KANSL1: variants seen among roughly 807,000 people sequenced by gnomAD.
The protein encoded by KANSL1 is KAT8 regulatory NSL complex subunit 1, also known as MLL1/MLL complex subunit KANSL1.
A neutral mutation model predicts 103.6 loss-of-function variants in KANSL1; 22 were observed. The observed-to-expected ratio is 0.21, with a 90% CI of 0.15 to 0.30. The LOEUF is 0.30. KANSL1 is among the 10% of genes least tolerant of loss of function. The pLI is 1.00. For missense variants in KANSL1, 1,337 were observed against 1,399.8 expected (o/e 0.96, Z 0.72); for synonymous variants, 600 against 527.6 (o/e 1.14, Z -1.88).
chr17:46,117,575 T>G (rs550643582), intron 2 of KANSL1, among the ~76,000 whole-genome samples: 1 of 152,108 alleles, frequency 6.6e-6, no homozygotes, highest in Admixed American at 6.5e-5. Flanking sequence ...GCAGTAACCA[T>G]GTGCATGCCT....
upstream of KANSL1, among the ~76,000 whole-genome samples, chr17:46,194,156 C>A (rs2047523224): frequency 6.6e-6 from 1 of 152,200 alleles, no homozygotes. Flanking sequence ...GAAGTGATGG[C>A]CCCGCCGGCG....
intron 1 of KANSL1, among the ~76,000 whole-genome samples, chr17:46,186,946 G>A (rs1032531418): frequency 6.6e-6 from 1 of 152,080 alleles, no homozygotes; most frequent in African/African-American, 2.4e-5. Flanking sequence ...TGTTAAGCCA[G>A]GCTGGTCTCA....
intron 4 of KANSL1, 135 bp downstream of exon 4, chr17:46,082,306 A>C (rs111519055): frequency 8.7e-6 from 5 of 573,536 alleles, no homozygotes; most frequent in Non-Finnish European, 1.6e-5. Context: ...ATCTTAAAAC[A>C]CCAAAAGTGA....
intron 1 of KANSL1, among the ~76,000 whole-genome samples, chr17:46,189,161 T>C (rs1567786090): frequency 6.6e-6 from 1 of 150,566 alleles, no homozygotes; most frequent in African/African-American, 2.5e-5. Flanking sequence ...CTCTAAACTG[T>C]AGCGCACAAT....
chr17:46,212,227 C>CG (rs1300847763), intron 1 of KANSL1, among the ~76,000 whole-genome samples: 1 of 145,896 alleles, frequency 6.9e-6, no homozygotes, highest in Non-Finnish European at 1.5e-5. Flanking sequence ...ATTAAAAATT[C>CG]TTTTTTTTTT....
chr17:46,083,993 T>A (rs1005655888), intron 3 of KANSL1, among the ~76,000 whole-genome samples: 1 of 152,222 alleles, frequency 6.6e-6, no homozygotes, highest in African/African-American at 2.4e-5. Context: ...TTTCAGTTTT[T>A]AAAAAAGAAG....
At chr17:46,189,550 A>G (rs990452077) in intron 1 of KANSL1, among the ~76,000 whole-genome samples, 4 of 152,186 alleles carry the variant, frequency 2.6e-5, no homozygotes, top group Non-Finnish European at 1.5e-5. Context: ...TAGAAAATCC[A>G]GTGTGGATTA....
intron 9 of KANSL1, 148 bp downstream of exon 9, chr17:46,038,879 C>T: frequency 8.7e-7 from 1 of 1,144,274 alleles, no homozygotes; most frequent in East Asian, 2.4e-5. Context: ...TAAGAAGTGA[C>T]CTCCATTTAG....
At chr17:46,107,156 T>A (rs117795466) in intron 2 of KANSL1, among the ~76,000 whole-genome samples, 7,131 of 152,218 alleles carry the variant, frequency 0.047, 896 homozygotes, top group East Asian at 0.42. Flanking sequence ...TGCCTCCATA[T>A]AAGGGAAGTA....
At chr17:46,162,915 A>G (rs1180272019) in intron 2 of KANSL1, among the ~76,000 whole-genome samples, 5 of 152,186 alleles carry the variant, frequency 3.3e-5, no homozygotes, top group Non-Finnish European at 5.9e-5. Flanking sequence ...CCAGGACCTT[A>G]GCATGTCTTG....
intron 4 of KANSL1, among the ~76,000 whole-genome samples, chr17:46,072,117 C>T (rs983570021): frequency 8.6e-5 from 13 of 151,626 alleles, no homozygotes; most frequent in Non-Finnish European, 1.3e-4. Flanking sequence ...ATCAAGTAAG[C>T]GTGACAAAGA....
intron 2 of KANSL1, among the ~76,000 whole-genome samples, chr17:46,128,911 A>G (rs1315737151): frequency 6.6e-6 from 1 of 152,228 alleles, no homozygotes; most frequent in African/African-American, 2.4e-5. Context: ...ATAAATGACC[A>G]GTAACTTCAG....
At chr17:46,143,907 G>A (rs1468451890) in intron 2 of KANSL1, among the ~76,000 whole-genome samples, 3 of 151,850 alleles carry the variant, frequency 2.0e-5, no homozygotes, top group Non-Finnish European at 2.9e-5. Flanking sequence ...GGACCACAGA[G>A]CTAGTAAAAT....
At chr17:46,173,060 A>AC (rs1329156960) in intron 1 of KANSL1, among the ~76,000 whole-genome samples, 2 of 152,202 alleles carry the variant, frequency 1.3e-5, no homozygotes, top group Non-Finnish European at 2.9e-5. Flanking sequence ...CTTATTATCA[A>AC]ATCCAATGGT....
At chr17:46,194,271 AG>A (rs1468290644), upstream of KANSL1, among the ~76,000 whole-genome samples, 17 of 152,286 alleles carry the variant, frequency 1.1e-4, no homozygotes, top group Non-Finnish European at 1.5e-5. Context: ...TTACACAATG[AG>A]TATTTATGCT....
At chr17:46,155,260 C>T (rs1045490190) in intron 2 of KANSL1, among the ~76,000 whole-genome samples, 4 of 149,156 alleles carry the variant, frequency 2.7e-5, no homozygotes, top group Admixed American at 6.8e-5. Context: ...CGGGTTCAAG[C>T]GATTCTCCTG....
intron 2 of KANSL1, among the ~76,000 whole-genome samples, chr17:46,103,087 G>A (rs1326628412): frequency 1.3e-5 from 2 of 152,208 alleles, no homozygotes; most frequent in Non-Finnish European, 2.9e-5. Flanking sequence ...CTCCAACAGT[G>A]AACAACGAAA....
chr17:46,038,081 TCACCTC>T, intron 10 of KANSL1: 1 of 159,704 alleles, frequency 6.3e-6, no homozygotes, highest in Non-Finnish European at 1.4e-5. Context: ...TCTTAGTACT[TCACCTC>T]CACTCACCCA....
intron 2 of KANSL1, among the ~76,000 whole-genome samples, chr17:46,135,824 C>T (rs2044112668): frequency 6.6e-6 from 1 of 151,522 alleles, no homozygotes; most frequent in Admixed American, 6.6e-5. Flanking sequence ...AGCCACTGCA[C>T]CTGGCCTATA....
Sources: gnomAD v4.1 joint callset for allele counts (sites outside exome capture counted in the v4.1 genomes callset) on GRCh38, gnomAD v4.1.1 for gene constraint, MANE v1.5 for transcripts, NCBI Gene and HGNC (gene_info 2026-07-23, HGNC 2026-07-21) for gene names.